Variants in EYA2 observed in about 807,000 individuals in gnomAD.
EYA2 encodes the protein EYA transcriptional coactivator and phosphatase 2.
A neutral mutation model predicts 69.2 loss-of-function variants in EYA2; 31 were observed. The ratio of observed to expected loss-of-function variants is 0.45; its 90% CI spans 0.34 to 0.60. The LOEUF is 0.60. EYA2 is among the 20% of genes least tolerant of loss of function. The pLI, the probability that EYA2 is intolerant of heterozygous loss-of-function variation, is 0.02. For synonymous variants in EYA2, 257 were observed against 279.4 expected (o/e 0.92, Z 0.80); for missense variants, 622 against 701.2 (o/e 0.89, Z 1.28).
In EYA2 at chr20:46,993,761, T is replaced by C. The variant is rs531269599; in HGVS notation, c.109+3642T>C. Among the ~76,000 whole-genome samples, 40 of 152,270 alleles carry C rather than the reference T, an allele frequency of 2.6e-4. 1 individual carries two copies. The highest frequency in any genetic ancestry group is 8.7e-4 in the African/African-American group (36 of 41,544). On this transcript the variant is annotated intron_variant, in intron 2 of 15. Transcript: ENST00000327619. ...AAAGGCAGGGGAGGAGCATGAGGAA[T>C]GCAAGAGTGGAGGGTTGCAGTTTTT...
chr20:47,182,436 C>T (rs2034555120), intron 14 of EYA2, among the ~76,000 whole-genome samples: 3 of 149,280 alleles, frequency 2.0e-5, no homozygotes, highest in South Asian at 4.2e-4. Context: ...CAAGACCAGC[C>T]TGACCGACAT....
chr20:47,178,821 G>GTGGGGGGATGGATGGATAT (rs2034475567), intron 12 of EYA2, among the ~76,000 whole-genome samples: 5 of 108,944 alleles, frequency 4.6e-5, no homozygotes, highest in Admixed American at 9.7e-5. Flanking sequence ...GGATGGGTGG[G>GTGGGGGGATGGATGGATAT]TGGGTGGATG....
chr20:46,979,479 T>C (rs2146310610), intron 1 of EYA2: 1 of 152,370 alleles, frequency 6.6e-6, no homozygotes, highest in Admixed American at 6.5e-5. Context: ...ATTTTTTTTT[T>C]TTGTAAATGA....
At chr20:47,021,990 T>C (rs1296782101) in intron 5 of EYA2, among the ~76,000 whole-genome samples, 2 of 151,962 alleles carry the variant, frequency 1.3e-5, no homozygotes, top group Non-Finnish European at 2.9e-5. Flanking sequence ...CAGGAAAAAA[T>C]AAAGGGGTTG....
At chr20:47,068,868 C>T (rs559335822) in intron 5 of EYA2, among the ~76,000 whole-genome samples, 1 of 152,184 alleles carries the variant, frequency 6.6e-6, no homozygotes, top group African/African-American at 2.4e-5. Flanking sequence ...TGTAAGTCAC[C>T]GCTCATTTGA....
At position 47,144,288 on chromosome 20, in the gene EYA2, G is replaced by A. The variant is rs1048858753; in HGVS notation, c.978+1140G>A. Reference sequence around the variant, plus strand: ...GGAGAGTAGCGTGAACCCGGAAGGCGGACCTTGCGGTGAGCAGAGATCGTG... The same window carrying A: ...GGAGAGTAGCGTGAACCCGGAAGGCAGACCTTGCGGTGAGCAGAGATCGTG... On this transcript the variant is annotated intron_variant, in intron 10 of 15. Coordinates refer to ENST00000327619, the MANE Select transcript of EYA2 (RefSeq NM_005244.5). Among the ~76,000 whole-genome samples, 63 of 151,658 alleles carry A rather than the reference G, an allele frequency of 4.2e-4. 1 individual carries two copies. Among genetic ancestry groups the A allele is most frequent in the African/African-American group, 8.2e-4 (34 of 41,290 alleles).
rs189215225 is a variant in EYA2, at chr20:47,105,582, G to A, written c.888+8414G>A. Among the ~76,000 whole-genome samples the A allele has an allele frequency of 3.8e-4, 54 of 140,416 alleles. No homozygotes were observed. The East Asian group carries it at 0.01, about 27-fold the overall frequency. The allele number at this position is 140,416 out of a possible 152,430, so 92.1% of individuals were successfully genotyped here. ...GGAGGTTGCAATGAGCTGAGATCAC[G>A]CCACTGAACTCCAGCCTGGGCGACA... On this transcript the variant is annotated intron_variant, in intron 9 of 15. Transcript: ENST00000327619.
chr20:46,991,833 TG>T (rs1981677766), intron 2 of EYA2, among the ~76,000 whole-genome samples: 1 of 152,028 alleles, frequency 6.6e-6, no homozygotes, highest in South Asian at 2.1e-4. Context: ...ACAGGCGTGG[TG>T]GCACACACCT....
At chr20:47,042,083 G>A (rs1985102800) in intron 5 of EYA2, among the ~76,000 whole-genome samples, 2 of 152,174 alleles carry the variant, frequency 1.3e-5, no homozygotes, top group Non-Finnish European at 2.9e-5. Flanking sequence ...ATTAGCGAGT[G>A]TGAAAGATGT....
At chr20:46,987,484 C>T (rs1285101086) in intron 1 of EYA2, among the ~76,000 whole-genome samples, 1 of 152,186 alleles carries the variant, frequency 6.6e-6, no homozygotes, top group Non-Finnish European at 1.5e-5. Context: ...TCCAAAATTA[C>T]ATCCCCTCCT....
intron 10 of EYA2, among the ~76,000 whole-genome samples, chr20:47,167,445 G>A (rs1472552118): frequency 6.6e-6 from 1 of 151,794 alleles, no homozygotes; most frequent in Non-Finnish European, 1.5e-5. Context: ...ACCATGCCCA[G>A]CTAATTTTTT....
chr20:47,034,445 G>C (rs1984586987), intron 5 of EYA2, among the ~76,000 whole-genome samples: 1 of 152,226 alleles, frequency 6.6e-6, no homozygotes, highest in Admixed American at 6.5e-5. Flanking sequence ...GAGATGAGTA[G>C]AGTCTGGATG....
intron 10 of EYA2, among the ~76,000 whole-genome samples, chr20:47,165,541 T>C (rs1004430138): frequency 6.6e-6 from 1 of 152,148 alleles, no homozygotes; most frequent in Non-Finnish European, 1.5e-5. Flanking sequence ...CTGCCGTTGG[T>C]CTCCAGGCCT....
chr20:46,982,748 T>C (rs1256936586), intron 1 of EYA2, among the ~76,000 whole-genome samples: 1 of 151,908 alleles, frequency 6.6e-6, no homozygotes, highest in Non-Finnish European at 1.5e-5. Context: ...TAATTTTAAT[T>C]ATTTCATTTC....
Position 47,172,813 on chromosome 20 carries a change from T to G in EYA2, c.1144T>G (p.Phe382Val). Residue 382 changes from phenylalanine to valine, a missense_variant, in exon 12 of 16, where the codon TTC (phenylalanine) becomes GTC (valine). Physicochemically the swap from Phe to Val is conservative, Grantham distance 50. Around this residue, in one of 2 missense-constraint regions of EYA2, gnomAD observed 257 missense variants for 351.5 expected, o/e 0.73. Transcript: ENST00000327619. The part of the protein sequence containing the change: ...GGVDWMRKLA[F>V]RYRRVKEMYN... Reference sequence around the variant, plus strand: ...CGTGGACTGGATGAGGAAGCTGGCCTTCCGCTACCGGCGGGTGAAGGAGAT... The same window carrying G: ...CGTGGACTGGATGAGGAAGCTGGCCGTCCGCTACCGGCGGGTGAAGGAGAT... 1 of 1,614,176 alleles carries G rather than the reference T, an allele frequency of 6.2e-7. No homozygotes were observed. The highest frequency in any genetic ancestry group is 8.5e-7 in the Non-Finnish European group (1 of 1,180,014).
intron 1 of EYA2, among the ~76,000 whole-genome samples, chr20:46,942,851 C>T (rs537536584): frequency 1.3e-5 from 2 of 152,324 alleles, no homozygotes; most frequent in South Asian, 4.1e-4. Context: ...CTACAACCTC[C>T]TCCTCCCCGG....
At chr20:47,057,703 T>C (rs916297197) in intron 5 of EYA2, among the ~76,000 whole-genome samples, 2 of 152,180 alleles carry the variant, frequency 1.3e-5, no homozygotes, top group Non-Finnish European at 1.5e-5. Context: ...GAAGGGGGGA[T>C]GTCTGTTCAC....
intron 1 of EYA2, among the ~76,000 whole-genome samples, chr20:46,957,529 TCACACACACACACACACACACA>T (rs74176892): frequency 5.0e-5 from 1 of 20,000 alleles, no homozygotes; most frequent in East Asian, 3.4e-4. Flanking sequence ...GAAGGAGATT[TCACACACACACACACACACACA>T]CACACACACA....
At chr20:47,170,323 C>T (rs538034290) in intron 11 of EYA2, among the ~76,000 whole-genome samples, 7 of 152,194 alleles carry the variant, frequency 4.6e-5, no homozygotes, top group African/African-American at 1.7e-4. Context: ...GACATGGCTT[C>T]CAGGAATCAG....
Sources: allele counts gnomAD v4.1 joint callset (sites outside exome capture counted in the v4.1 genomes callset), GRCh38; gene constraint gnomAD v4.1.1; regional missense constraint gnomAD v4.1.1; transcripts MANE v1.5; gene names NCBI Gene and HGNC (gene_info 2026-07-23, HGNC 2026-07-21).